Variants in TASP1 observed in about 807,000 individuals in gnomAD.
TASP1 encodes threonine aspartase 1.
TASP1 carries 16 observed loss-of-function variants against 56.6 expected under a neutral mutation model. The ratio of observed to expected loss-of-function variants is 0.28; its 90% confidence interval spans 0.19 to 0.43. The LOEUF (loss-of-function observed/expected upper bound fraction) is 0.43, where lower values mean the gene tolerates loss of function less well. Ranked by LOEUF, TASP1 falls within the 20% of genes least tolerant of loss-of-function variation. TASP1 has a pLI of 1.00. For missense variants in TASP1, 393 were observed against 511.6 expected, an observed-to-expected ratio of 0.77 and a Z score of 2.24; for synonymous variants, 179 against 184.2, an observed-to-expected ratio of 0.97 and a Z score of 0.23.
At chr20:13,384,578 G>A (rs2041150724), downstream of TASP1, among the ~76,000 whole-genome samples, 1 of 152,136 alleles carries the variant, frequency 6.6e-6, no homozygotes, top group South Asian at 2.1e-4. Context: ...ATACCTTGCG[G>A]ACTTGAATGC....
intron 13 of TASP1, among the ~76,000 whole-genome samples, chr20:13,400,670 G>A (rs1347702494): frequency 1.3e-5 from 2 of 152,144 alleles, no homozygotes; most frequent in Non-Finnish European, 1.5e-5. Flanking sequence ...GAGCATAAAA[G>A]CAAACTGTCA....
the TASP1 span, among the ~76,000 whole-genome samples, chr20:13,326,663 T>C: frequency 4.8e-3 from 726 of 152,306 alleles, 4 homozygotes; most frequent in African/African-American, 0.017. Flanking sequence ...TCCTTTTTGA[T>C]GGTATGCCCA....
At chr20:13,373,575 C>T in the TASP1 span, among the ~76,000 whole-genome samples, 1 of 151,700 alleles carries the variant, frequency 6.6e-6, no homozygotes, top group Admixed American at 6.6e-5. Context: ...GAATGTGTTG[C>T]TCCATTGCCT....
At chr20:13,475,854 C>T (rs1281960254) in intron 11 of TASP1, among the ~76,000 whole-genome samples, 2 of 151,804 alleles carry the variant, frequency 1.3e-5, no homozygotes, top group Non-Finnish European at 2.9e-5. Context: ...TGAGATCATG[C>T]CATTGCACTC....
At chr20:13,288,598 G>A in the TASP1 span, 15 of 1,613,870 alleles carry the variant, frequency 9.3e-6, no homozygotes, top group South Asian at 1.6e-4. Flanking sequence ...TCACCTGCGG[G>A]AACGGCAACC....
At chr20:13,345,916 T>TAAA in the TASP1 span, among the ~76,000 whole-genome samples, 18 of 101,318 alleles carry the variant, frequency 1.8e-4, no homozygotes, top group Non-Finnish European at 3.2e-4. Context: ...CTCAGTAGGT[T>TAAA]AAAAAAAAAA....
At chr20:13,509,320 G>C (rs2044244213) in intron 10 of TASP1, among the ~76,000 whole-genome samples, 1 of 152,060 alleles carries the variant, frequency 6.6e-6, no homozygotes. Context: ...TAGAAACAGA[G>C]AATAGAAGAG....
At chr20:13,220,079 G>C in the TASP1 span, among the ~76,000 whole-genome samples, 1 of 152,138 alleles carries the variant, frequency 6.6e-6, no homozygotes, top group African/African-American at 2.4e-5. Context: ...GCTTGGAAAT[G>C]TGCGACGCGG....
At chr20:13,564,011 T>C (rs2046433148) in intron 7 of TASP1, among the ~76,000 whole-genome samples, 1 of 152,162 alleles carries the variant, frequency 6.6e-6, no homozygotes, top group Non-Finnish European at 1.5e-5. Context: ...CTTTTACCAC[T>C]TCTAGTACTA....
chr20:13,449,483 T>C (rs1367027192), intron 11 of TASP1, among the ~76,000 whole-genome samples: 7 of 152,274 alleles, frequency 4.6e-5, no homozygotes, highest in Admixed American at 2.0e-4. Flanking sequence ...ACGCTTTTAA[T>C]TCCTATGTAA....
intron 11 of TASP1, among the ~76,000 whole-genome samples, chr20:13,469,345 C>A (rs1013893675): frequency 6.6e-6 from 1 of 152,096 alleles, no homozygotes; most frequent in Non-Finnish European, 1.5e-5. Flanking sequence ...CTTCCAGGCT[C>A]TAGAAGGCTT....
At chr20:13,637,478 G>C (rs1384077161) in intron 1 of TASP1, among the ~76,000 whole-genome samples, 1 of 152,170 alleles carries the variant, frequency 6.6e-6, no homozygotes, top group Non-Finnish European at 1.5e-5. Context: ...CCAAAAAGTA[G>C]AAACAACCTA....
chr20:13,383,514 T>C, the TASP1 span, among the ~76,000 whole-genome samples: 7 of 152,334 alleles, frequency 4.6e-5, no homozygotes, highest in South Asian at 1.2e-3. Context: ...AACCAGGTGA[T>C]TTAATATAAG....
At chr20:13,153,285 A>G in the TASP1 span, among the ~76,000 whole-genome samples, 5 of 152,134 alleles carry the variant, frequency 3.3e-5, no homozygotes, top group Non-Finnish European at 7.4e-5. Flanking sequence ...ACTGGGACAC[A>G]CACTTAGGAC....
chr20:13,268,553 C>T, the TASP1 span, among the ~76,000 whole-genome samples: 11 of 152,174 alleles, frequency 7.2e-5, no homozygotes, highest in South Asian at 4.2e-4. Context: ...ACACTGCCCC[C>T]GGCCACATCT....
chr20:13,285,154 G>A, the TASP1 span, among the ~76,000 whole-genome samples: 1 of 152,278 alleles, frequency 6.6e-6, no homozygotes, highest in East Asian at 1.9e-4. Context: ...GGCCAGGCAT[G>A]TTGGCACATG....
intron 8 of TASP1, among the ~76,000 whole-genome samples, chr20:13,553,292 G>A (rs141087869): frequency 6.6e-6 from 1 of 152,108 alleles, no homozygotes; most frequent in Non-Finnish European, 1.5e-5. Context: ...CATGGAACAA[G>A]CTAAATTTAC....
At chr20:13,189,326 C>A in the TASP1 span, among the ~76,000 whole-genome samples, 1 of 152,096 alleles carries the variant, frequency 6.6e-6, no homozygotes, top group Admixed American at 6.6e-5. Context: ...AAACTAAAGA[C>A]CTTCTGCATA....
chr20:13,156,793 A>G, the TASP1 span, among the ~76,000 whole-genome samples: 2 of 152,202 alleles, frequency 1.3e-5, no homozygotes. Flanking sequence ...CTCTGCAACA[A>G]TGATGATCAT....
Sources: gnomAD v4.1 joint callset for allele counts (sites outside exome capture counted in the v4.1 genomes callset) on GRCh38, gnomAD v4.1.1 for gene constraint, MANE v1.5 for transcripts, NCBI Gene and HGNC (gene_info 2026-07-23, HGNC 2026-07-21) for gene names.